The following SLC17A9 variants were observed in gnomAD, a reference collection of about 807,000 sequenced individuals.
SLC17A9 encodes solute carrier family 17 member 9, also known as voltage-gated purine nucleotide uniporter SLC17A9.
Under a neutral mutation model 55.0 loss-of-function variants are expected in SLC17A9, and 49 were observed. That is an observed-to-expected ratio of 0.89 (90% CI 0.71 to 1.13). SLC17A9 has a LOEUF of 1.13. Among genes scored for constraint, SLC17A9 ranks in the 50% most tolerant of loss-of-function variants. SLC17A9 has a pLI of 0.00. For synonymous variants in SLC17A9, 256 were observed against 247.4 expected (o/e 1.03, Z -0.32); for missense variants, 526 against 569.3 (o/e 0.92, Z 0.77).
chr20:62,969,522 A>G lies in SLC17A9; in HGVS notation c.*2022A>G, dbSNP rs2065665608. 6.6e-6 allele frequency: 1 copy of G among 152,180 alleles called. No homozygotes were observed. The highest frequency in any genetic ancestry group is 2.1e-4 in the South Asian group (1 of 4,836). The allele number at this position is 152,180 out of a possible 1,614,324, so 9.4% of individuals were successfully genotyped here. A position where few individuals can be genotyped will look rare whatever the true frequency, so the allele number is the denominator to read the frequency against. The stretch of plus-strand genomic sequence containing the variant: ...CAGCAGAGTGTCCTTCGGTTTTATC[A>G]GTTTTGTCACAAGTGTCAGCATTTT... On this transcript the variant is annotated 3_prime_UTR_variant, in exon 13 of 13. Coordinates refer to ENST00000370351, the MANE Select transcript of SLC17A9 (RefSeq NM_022082.4).
In SLC17A9 at chr20:62,952,904, AGGGGAGGGGGGGTGG is replaced by A; in HGVS notation, c.59+17_59+31del. ...CAGTGGTCCAGGTGTGGCGGGGGTG[AGGGGAGGGGGGGTGG>A]GAGCGGTGGAGATGGGGCCGTGGGG... is the stretch of plus-strand genomic sequence containing the variant. On this transcript the variant is annotated intron_variant, in intron 1 of 12. Coordinates refer to ENST00000370351, the MANE Select transcript of SLC17A9 (RefSeq NM_022082.4). The A allele has an allele frequency of 1.3e-5, 1 of 79,364 alleles. No homozygotes were observed. Among genetic ancestry groups the A allele is most frequent in the Non-Finnish European group, 2.4e-5 (1 of 41,504 alleles). 4.9% of individuals were successfully genotyped at this position (79,364 alleles called of 1,614,324 possible).
intron 3 of SLC17A9, among the ~76,000 whole-genome samples, chr20:62,959,755 G>A (rs930201367): frequency 6.6e-6 from 1 of 152,256 alleles, no homozygotes; most frequent in Non-Finnish European, 1.5e-5. Context: ...CCGTCTGTTT[G>A]ACGATGCCCC....
At chr20:62,963,433 C>A in intron 6 of SLC17A9, 64 bp downstream of exon 6, 2 of 1,551,702 alleles carry the variant, frequency 1.3e-6, no homozygotes, top group Non-Finnish European at 8.8e-7. Context: ...GGGGTGTGAA[C>A]CTGGCCGGAC....
chr20:62,966,832 C>A, intron 12 of SLC17A9, 100 bp downstream of exon 12: 1 of 1,467,134 alleles, frequency 6.8e-7, no homozygotes, highest in Non-Finnish European at 9.2e-7. Context: ...CAGAGGGGGT[C>A]CGGGTGTCAG....
At position 62,962,570 on chromosome 20, in the gene SLC17A9, C is replaced by T; in HGVS notation, c.498-54C>T. Reference sequence around the variant, plus strand: ...GGGTGGGGTTTCTGAGAGGCCCCTCCTCACCCGAGGGGTGCCGCTGAGGGG... The same window carrying T: ...GGGTGGGGTTTCTGAGAGGCCCCTCTTCACCCGAGGGGTGCCGCTGAGGGG... On this transcript the variant is annotated intron_variant, in intron 4 of 12. Transcript: ENST00000370351. The surrounding 1 kb of genome is among the most constrained non-coding windows in gnomAD (Gnocchi z 5.5). The T allele has an allele frequency of 6.3e-7, 1 of 1,592,782 alleles. No homozygotes were observed. Among genetic ancestry groups the T allele is most frequent in the Non-Finnish European group, 8.5e-7 (1 of 1,169,826 alleles).
In SLC17A9 at chr20:62,957,442, A is replaced by C. The variant is rs1169805797; in HGVS notation, c.259A>C (p.Ile87Leu). The C allele has an allele frequency of 1.3e-6, 2 of 1,582,430 alleles. No individual in the cohort carries two copies. Among genetic ancestry groups the C allele is most frequent in the Non-Finnish European group, 1.7e-6 (2 of 1,165,908 alleles). ...QVVGGHLGDR[I>L]GGEKVILLSA... is the part of the protein sequence containing the mutation. ...CACCTCCCTCTGTCTTCCCTCCAGG[A>C]TTGGGGGTGAGAAGGTCATCCTGCT... The change falls in exon 3 of 13, where the codon ATT becomes CTT. Residue 87 changes from isoleucine (I) to leucine (L), a missense_variant and splice_region_variant. Physicochemically the swap from Ile to Leu is conservative, Grantham distance 5. Coordinates refer to ENST00000370351, the MANE Select transcript of SLC17A9 (RefSeq NM_022082.4).
Position 62,963,897 on chromosome 20 carries a change from G to A in SLC17A9, c.822+217G>A, listed in dbSNP as rs771016537. On this transcript the variant is annotated intron_variant, in intron 7 of 12. Coordinates refer to ENST00000370351, the MANE Select transcript of SLC17A9 (RefSeq NM_022082.4). ...GAGGCTGGAAATGATGCGGGCGCTC[G>A]GTGCCTTCCTGCTGCGGCTGCAGCC... The A allele has an allele frequency of 1.1e-4, 64 of 598,580 alleles. 1 individual carries two copies. Among genetic ancestry groups the A allele is most frequent in the Non-Finnish European group, 1.8e-4 (60 of 338,584 alleles). 37.1% of individuals were successfully genotyped at this position (598,580 alleles called of 1,614,324 possible).
Position 62,967,942 on chromosome 20 carries a change from G to A in SLC17A9, c.*442G>A. On this transcript the variant is annotated 3_prime_UTR_variant, in exon 13 of 13. Coordinates refer to ENST00000370351, the MANE Select transcript of SLC17A9 (RefSeq NM_022082.4). ...CCAGGCTGCAGCCTCCCCAATCCCAGCCCACTTTGCTGTGTCTCTGGCGGG... is the reference window on the plus strand; with the variant it reads ...CCAGGCTGCAGCCTCCCCAATCCCAACCCACTTTGCTGTGTCTCTGGCGGG... The A allele has an allele frequency of 6.1e-6, 1 of 164,126 alleles. No individual in the cohort carries two copies. Among genetic ancestry groups the A allele is most frequent in the Non-Finnish European group, 1.3e-5 (1 of 75,308 alleles). The allele number at this position is 164,126 out of a possible 1,614,324, so 10.2% of individuals were successfully genotyped here.
intron 3 of SLC17A9, among the ~76,000 whole-genome samples, chr20:62,960,052 G>C (rs1218967675): frequency 6.6e-6 from 1 of 152,258 alleles, no homozygotes; most frequent in Non-Finnish European, 1.5e-5. Flanking sequence ...CATGCGGCAG[G>C]TGTCTGTGCA....
chr20:62,954,514 A>G (rs575602337), intron 1 of SLC17A9, among the ~76,000 whole-genome samples: 203 of 152,322 alleles, frequency 1.3e-3, no homozygotes, highest in African/African-American at 4.5e-3. Flanking sequence ...GGGAGTGCAG[A>G]GTGGTGGGAG....
chr20:62,963,745 G>T, intron 7 of SLC17A9, 65 bp downstream of exon 7: 1 of 1,437,390 alleles, frequency 7.0e-7, no homozygotes, highest in Non-Finnish European at 9.5e-7. Flanking sequence ...GCTGCACCAG[G>T]CACTGTGGGT....
chr20:62,956,139 T>C (rs1166320561), intron 1 of SLC17A9, among the ~76,000 whole-genome samples: 1 of 152,190 alleles, frequency 6.6e-6, no homozygotes, highest in Admixed American at 6.5e-5. Flanking sequence ...CTCACCAGGA[T>C]TGGGAGTGTG....
Position 62,958,762 on chromosome 20 carries a change from G to A in SLC17A9, c.397+1182G>A, listed in dbSNP as rs139289989. Among the ~76,000 whole-genome samples the A allele has an allele frequency of 1.7e-4, 26 of 152,294 alleles. No individual in the cohort carries two copies. Among genetic ancestry groups the A allele is most frequent in the Admixed American group, 5.2e-4 (8 of 15,304 alleles). ...CCTCTCCACACCCTCACTCCCCAAGGTTATGGCCTGGAAGGTGCTGCCTGG... is the reference window on the plus strand; with the variant it reads ...CCTCTCCACACCCTCACTCCCCAAGATTATGGCCTGGAAGGTGCTGCCTGG... On this transcript the variant is annotated intron_variant, in intron 3 of 12. Transcript: ENST00000370351. The surrounding 1 kb of genome is among the most constrained non-coding windows in gnomAD (Gnocchi z 4.1).
intron 12 of SLC17A9, chr20:62,967,094 A>T (rs2065647480): frequency 1.7e-6 from 1 of 589,122 alleles, no homozygotes; most frequent in Admixed American, 3.1e-5. Flanking sequence ...TTTCAGCGGG[A>T]CAAAGGGGAC....
intron 2 of SLC17A9, 171 bp downstream of exon 2, chr20:62,957,133 G>A: frequency 2.0e-6 from 2 of 982,426 alleles, no homozygotes; most frequent in Non-Finnish European, 2.4e-6. Flanking sequence ...GGACACAGAG[G>A]ATGCGACTCC....
At chr20:62,960,249 G>A (rs542868924) in intron 3 of SLC17A9, among the ~76,000 whole-genome samples, 27 of 152,372 alleles carry the variant, frequency 1.8e-4, no homozygotes, top group Middle Eastern at 3.4e-3. Context: ...CGTGTTCGCG[G>A]GGTGGGAGGG....
intron 5 of SLC17A9, 114 bp from the exon 6 acceptor site, chr20:62,963,159 G>T: frequency 9.4e-7 from 1 of 1,062,730 alleles, no homozygotes; most frequent in South Asian, 1.3e-5. Context: ...GCAACCTGAG[G>T]CATGGACGAG....
intron 2 of SLC17A9, 175 bp downstream of exon 2, chr20:62,957,137 C>A (rs2065543985): frequency 1.0e-6 from 1 of 977,746 alleles, no homozygotes; most frequent in Non-Finnish European, 1.2e-6. Context: ...ACAGAGGATG[C>A]GACTCCTGGG....
At chr20:62,965,871 T>G in intron 10 of SLC17A9, 146 bp downstream of exon 10, 1 of 716,546 alleles carries the variant, frequency 1.4e-6, no homozygotes, top group Non-Finnish European at 2.3e-6. Flanking sequence ...GTGACTGCAC[T>G]GAAGACCCAG....
Sources: allele counts gnomAD v4.1 joint callset (sites outside exome capture counted in the v4.1 genomes callset), GRCh38; gene constraint gnomAD v4.1.1; non-coding constraint Gnocchi (gnomAD v3.1); transcripts MANE v1.5; gene names NCBI Gene and HGNC (gene_info 2026-07-23, HGNC 2026-07-21).